The following NOL4 variants were observed in gnomAD, a reference collection of about 807,000 sequenced individuals.
NOL4 encodes cancer/testis antigen 125.
NOL4 carries 17 observed loss-of-function variants against 75.9 expected under a neutral mutation model. That is an observed-to-expected ratio of 0.22 (90% confidence interval 0.15 to 0.34). The LOEUF (loss-of-function observed/expected upper bound fraction) is 0.34, where lower values mean the gene tolerates loss of function less well. Among genes scored for constraint, NOL4 ranks in the 10% least tolerant of loss-of-function variants. The pLI is 1.00. For synonymous variants in NOL4, 292 were observed against 289.9 expected (o/e 1.01, Z -0.07); for missense variants, 614 against 793.5 (o/e 0.77, Z 2.72).
chr18:34,024,192 A>ATATATATATATATATATATAT (rs1215950663), intron 5 of NOL4, among the ~76,000 whole-genome samples: 5 of 76,172 alleles, frequency 6.6e-5, no homozygotes, highest in Admixed American at 1.3e-4. Flanking sequence ...AAAAAAAAAA[A>ATATATATATATATATATATAT]AAATATATAT....
intron 5 of NOL4, among the ~76,000 whole-genome samples, chr18:34,059,793 C>G (rs887782792): frequency 6.6e-6 from 1 of 152,156 alleles, no homozygotes; most frequent in African/African-American, 2.4e-5. Flanking sequence ...AAGTAAATGT[C>G]TCACTATCTG....
chr18:34,148,023 C>G (rs773531806), intron 1 of NOL4, among the ~76,000 whole-genome samples: 2 of 152,052 alleles, frequency 1.3e-5, no homozygotes, highest in Non-Finnish European at 2.9e-5. Flanking sequence ...ATAGTATTCT[C>G]CAATGGGAGT....
At chr18:33,863,664 G>T (rs2063289421) in intron 10 of NOL4, among the ~76,000 whole-genome samples, 1 of 152,176 alleles carries the variant, frequency 6.6e-6, no homozygotes, top group Admixed American at 6.5e-5. Flanking sequence ...TCCCTCATGG[G>T]CTGGCATTGA....
chr18:34,223,018 T>C lies in NOL4; in HGVS notation c.236A>G (p.Gln79Arg). The stretch of plus-strand genomic sequence containing the variant: ...GGTCTTGACAGGCACGTAGAGCACT[T>C]GCTTGGCGCCGCCGCCTCCCCCGCG... ...EVRGGGGGAK[Q>R]VLYVPVKTTD... Residue 79 changes from glutamine to arginine, a missense_variant, in exon 1 of 11, where the codon CAA becomes CGA. Physicochemically the swap from Gln to Arg is conservative, Grantham distance 43. This residue lies in a region of NOL4 where 49 missense variants were observed against 39.6 expected (regional missense o/e 1.24). Coordinates refer to ENST00000261592, the MANE Select transcript of NOL4 (RefSeq NM_003787.5). 6.2e-7 allele frequency: 1 copy of C among 1,610,598 alleles called. No homozygotes were observed. The highest frequency in any genetic ancestry group is 8.5e-7 in the Non-Finnish European group (1 of 1,179,786).
intron 9 of NOL4, among the ~76,000 whole-genome samples, chr18:33,904,312 A>G (rs539016533): frequency 6.6e-6 from 1 of 152,174 alleles, no homozygotes; most frequent in South Asian, 2.1e-4. Context: ...TCTCTGGCAT[A>G]TTTTGACCAA....
intron 6 of NOL4, among the ~76,000 whole-genome samples, chr18:33,992,976 A>T (rs2073029221): frequency 6.6e-6 from 1 of 152,006 alleles, no homozygotes; most frequent in South Asian, 2.1e-4. Context: ...ACTTCCAAAA[A>T]CTAAATAGAG....
At chr18:34,120,256 G>A (rs954391312) in intron 2 of NOL4, among the ~76,000 whole-genome samples, 2 of 152,146 alleles carry the variant, frequency 1.3e-5, no homozygotes, top group African/African-American at 4.8e-5. Context: ...TGAAATCATA[G>A]TGCCTATTTA....
At chr18:34,054,086 T>C (rs2076734777) in intron 5 of NOL4, among the ~76,000 whole-genome samples, 1 of 152,014 alleles carries the variant, frequency 6.6e-6, no homozygotes. Flanking sequence ...AGATAGTTGG[T>C]ATAATTTCAA....
intron 4 of NOL4, among the ~76,000 whole-genome samples, chr18:34,102,096 C>T (rs1365912792): frequency 6.6e-6 from 1 of 151,900 alleles, no homozygotes; most frequent in Admixed American, 6.6e-5. Context: ...TCAAATGATA[C>T]ATTTTAATAA....
At chr18:34,136,468 TA>T (rs1263297687) in intron 1 of NOL4, among the ~76,000 whole-genome samples, 1 of 152,166 alleles carries the variant, frequency 6.6e-6, no homozygotes. Flanking sequence ...AGGAATCCAT[TA>T]AAAAACTGTT....
chr18:34,131,053 TACACACACACACATACACCGACAC>T (rs1253092810), intron 1 of NOL4, among the ~76,000 whole-genome samples: 3 of 137,022 alleles, frequency 2.2e-5, no homozygotes, highest in African/African-American at 8.3e-5. Context: ...CACATACACA[TACACACACACACATACACCGACAC>T]ACACACACAC....
chr18:34,064,378 C>G (rs958278580), intron 5 of NOL4, among the ~76,000 whole-genome samples: 2 of 151,956 alleles, frequency 1.3e-5, no homozygotes, highest in Non-Finnish European at 2.9e-5. Flanking sequence ...AGATTGTATG[C>G]AGCCTCAGAG....
intron 9 of NOL4, among the ~76,000 whole-genome samples, chr18:33,904,805 G>A (rs1476786869): frequency 6.6e-6 from 1 of 152,110 alleles, no homozygotes; most frequent in Non-Finnish European, 1.5e-5. Flanking sequence ...TATTGATGCA[G>A]GGGCCACAGA....
At chr18:33,986,310 T>C (rs1390366105) in intron 6 of NOL4, among the ~76,000 whole-genome samples, 1 of 152,274 alleles carries the variant, frequency 6.6e-6, no homozygotes, top group African/African-American at 2.4e-5. Context: ...TCAGAGGAAC[T>C]GTAAACCAAA....
rs115581350 is a variant in NOL4, at chr18:33,977,101, T to C, written c.1057-18683A>G. Among the ~76,000 whole-genome samples, 1,289 of 152,292 alleles carry C rather than the reference T, an allele frequency of 8.5e-3. 22 individuals carry two copies. Among genetic ancestry groups the C allele is most frequent in the African/African-American group, 0.03 (1,238 of 41,556 alleles). ...ATACAGTAATGATAATTTGGTCTTATAGTGTGCTTATTATATTCCAGAACA... is the reference window on the plus strand; with the variant it reads ...ATACAGTAATGATAATTTGGTCTTACAGTGTGCTTATTATATTCCAGAACA... On this transcript the variant is annotated intron_variant, in intron 6 of 10. Coordinates refer to ENST00000261592, the MANE Select transcript of NOL4 (RefSeq NM_003787.5).
At chr18:33,854,265 A>G (rs2062744358) in intron 10 of NOL4, among the ~76,000 whole-genome samples, 1 of 152,082 alleles carries the variant, frequency 6.6e-6, no homozygotes, top group Admixed American at 6.6e-5. Context: ...CTCTACCTCC[A>G]CAGAGGAGAC....
At chr18:34,212,723 T>C (rs771357252) in intron 1 of NOL4, among the ~76,000 whole-genome samples, 2 of 152,332 alleles carry the variant, frequency 1.3e-5, no homozygotes, top group East Asian at 1.9e-4. Context: ...CTTGTGGTTG[T>C]AGAACTACAG....
intron 9 of NOL4, among the ~76,000 whole-genome samples, chr18:33,918,269 C>T (rs889398326): frequency 3.9e-5 from 6 of 152,122 alleles, no homozygotes; most frequent in Admixed American, 2.0e-4. Context: ...AAGCAGCTCA[C>T]AGGAATCACA....
intron 4 of NOL4, among the ~76,000 whole-genome samples, chr18:34,103,790 T>G (rs76791454): frequency 0.01 from 1,569 of 152,116 alleles, 29 homozygotes; most frequent in African/African-American, 0.036. Flanking sequence ...TCAGTGATGG[T>G]CTACTAAGGA....
Sources: gnomAD v4.1 joint callset for allele counts (sites outside exome capture counted in the v4.1 genomes callset) on GRCh38, gnomAD v4.1.1 for gene constraint, gnomAD v4.1.1 regional missense constraint, MANE v1.5 for transcripts, NCBI Gene and HGNC (gene_info 2026-07-23, HGNC 2026-07-21) for gene names.